ACTR6: variants seen among roughly 807,000 people sequenced by gnomAD.
The protein encoded by ACTR6 is actin-related protein 6.
Under a neutral mutation model 52.5 loss-of-function variants are expected in ACTR6, and 50 were observed. The observed-to-expected ratio is 0.95, with a 90% CI of 0.76 to 1.20. ACTR6 has a LOEUF of 1.20. ACTR6 is among the 50% of genes most tolerant of loss of function. The probability of loss-of-function intolerance (pLI) is 0.00; values close to 1 mark genes in which losing one functional copy is unlikely to be tolerated. For synonymous variants in ACTR6, 135 were observed against 147.2 expected, an observed-to-expected ratio of 0.92 and a Z score of 0.60; for missense variants, 344 against 472.4, an observed-to-expected ratio of 0.73 and a Z score of 2.52.
At chr12:100,202,395 C>T (rs1475627862) in intron 1 of ACTR6, among the ~76,000 whole-genome samples, 1 of 152,040 alleles carries the variant, frequency 6.6e-6, no homozygotes, top group Non-Finnish European at 1.5e-5. Context: ...ATAACAAATT[C>T]AAGCTTCTTA....
intron 4 of ACTR6, 74 bp downstream of exon 4, chr12:100,207,860 A>G (rs1047380957): frequency 6.6e-7 from 1 of 1,515,358 alleles, no homozygotes; most frequent in Non-Finnish European, 9.0e-7. Flanking sequence ...TAAAGTCCCA[A>G]AATATTAAGT....
chr12:100,218,476 C>T lies in ACTR6; in HGVS notation c.812C>T (p.Ala271Val), dbSNP rs1390662105. 3 of 1,608,596 alleles carry T rather than the reference C, an allele frequency of 1.9e-6. No individual in the cohort carries two copies. Among genetic ancestry groups the T allele is most frequent in the Non-Finnish European group, 2.5e-6 (3 of 1,177,576 alleles). The change falls in exon 9 of 11, where the codon GCC (alanine) becomes GTC (valine). Residue 271 changes from alanine to valine, a missense_variant. Transcript: ENST00000188312. This position sits in a 1 kb window ranked among gnomAD's most constrained non-coding sequence, Gnocchi z 4.2. Reference protein sequence around the residue: ...YKSGEQILRLANERFAVPEIL... With the variant: ...YKSGEQILRLVNERFAVPEIL... ...TCTGGGGAACAAATTCTTCGTTTGG[C>T]CAATGAGAGATTTGCTGTTCCGGAA...
Position 100,224,373 on chromosome 12 carries a change from G to A in ACTR6, c.*458G>A, listed in dbSNP as rs1462053525. 6.6e-6 allele frequency: 1 copy of A among 152,526 alleles called. No homozygotes were observed. Among genetic ancestry groups the A allele is most frequent in the African/African-American group, 2.4e-5 (1 of 41,428 alleles). 9.4% of individuals were successfully genotyped at this position (152,526 alleles called of 1,614,324 possible). ...GTGTATAATGTTTATTTTGTACCTA[G>A]AGTACATTTAAAAGGGTGGAGACTA... On this transcript the variant is annotated 3_prime_UTR_variant, in exon 11 of 11. Transcript: ENST00000188312.
At chr12:100,216,537 C>T (rs569148837) in intron 8 of ACTR6, among the ~76,000 whole-genome samples, 1 of 152,246 alleles carries the variant, frequency 6.6e-6, no homozygotes, top group East Asian at 1.9e-4. Flanking sequence ...GGCTCTCTCC[C>T]CTAGTTAGTC....
chr12:100,202,857 CA>C lies in ACTR6; in HGVS notation c.68+1955del, dbSNP rs541518616. Among the ~76,000 whole-genome samples, 890 of 110,254 alleles carry C rather than the reference CA, an allele frequency of 8.1e-3. 1 individual carries two copies. The highest frequency in any genetic ancestry group is 0.014 in the African/African-American group (454 of 31,840). The allele number at this position is 110,254 out of a possible 152,430, so 72.3% of individuals were successfully genotyped here. A position where few individuals can be genotyped will look rare whatever the true frequency, so the allele number is the denominator to read the frequency against. Reference sequence around the variant, plus strand: ...GGGGCGACAAAGCGAGACTCGGTCTCAAAAAAAAAAAAAAAAAGTTGCTACT... The same window carrying C: ...GGGGCGACAAAGCGAGACTCGGTCTCAAAAAAAAAAAAAAAAGTTGCTACT... On this transcript the variant is annotated intron_variant, in intron 1 of 10. Transcript: ENST00000188312.
chr12:100,221,533 A>G (rs552468851), intron 10 of ACTR6: 2 of 152,252 alleles, frequency 1.3e-5, no homozygotes, highest in East Asian at 1.9e-4. Context: ...TTATTAAATA[A>G]ATTTTTATTG....
At chr12:100,207,411 G>A (rs2096115770) in intron 3 of ACTR6, among the ~76,000 whole-genome samples, 1 of 152,090 alleles carries the variant, frequency 6.6e-6, no homozygotes, top group Non-Finnish European at 1.5e-5. Flanking sequence ...AAGTAAAATT[G>A]CATAATAGTT....
chr12:100,209,152 A>C (rs987144312), intron 4 of ACTR6, among the ~76,000 whole-genome samples: 1 of 152,250 alleles, frequency 6.6e-6, no homozygotes, highest in African/African-American at 2.4e-5. Flanking sequence ...CTTAGATTAC[A>C]TGACATGGTT....
chr12:100,219,936 A>G lies in ACTR6; in HGVS notation c.923-72A>G, dbSNP rs952298267. On this transcript the variant is annotated intron_variant, in intron 9 of 10. Coordinates refer to ENST00000188312, the MANE Select transcript of ACTR6 (RefSeq NM_022496.5). The stretch of plus-strand genomic sequence containing the variant: ...TTGCTTCTTATCTGATCCCTCATCC[A>G]CATCTTTCCAGAAAAGTAAACAGAT... 3.5e-5 allele frequency: 54 copies of G among 1,521,570 alleles called. No homozygotes were observed. The African/African-American group carries it at 6.2e-4, about 17-fold the overall frequency. 94.3% of individuals were successfully genotyped at this position (1,521,570 alleles called of 1,614,324 possible). A position where few individuals can be genotyped will look rare whatever the true frequency, so the allele number is the denominator to read the frequency against.
chr12:100,212,131 A>C (rs1156797008), intron 6 of ACTR6, 125 bp from the exon 7 acceptor site: 4 of 637,116 alleles, frequency 6.3e-6, no homozygotes, highest in South Asian at 2.2e-5. Context: ...TATTTTACAC[A>C]TTCAAGAATT....
chr12:100,204,536 T>G (rs78100712), intron 1 of ACTR6, among the ~76,000 whole-genome samples: 34 of 151,322 alleles, frequency 2.2e-4, no homozygotes, highest in Middle Eastern at 3.4e-3. Context: ...AATTTTTGTG[T>G]TTTTTTTTAG....
intron 10 of ACTR6, among the ~76,000 whole-genome samples, chr12:100,222,954 A>G (rs2096129489): frequency 2.0e-5 from 3 of 152,222 alleles, no homozygotes; most frequent in Admixed American, 2.0e-4. Context: ...AAAAGCACAG[A>G]CTGTGAAAAC....
rs750177291 is a variant in ACTR6, at chr12:100,220,012, G to A, written c.927G>A (p.Met309Ile). The A allele has an allele frequency of 6.2e-7, 1 of 1,611,244 alleles. No homozygotes were observed. Among genetic ancestry groups the A allele is most frequent in the Admixed American group, 1.7e-5 (1 of 59,496 alleles). Reference protein sequence around the residue: ...VYSIQNLPEEMQPHFFKNIVL... With the variant: ...VYSIQNLPEEIQPHFFKNIVL... ...TCTCCTTTTCTTCTTTTAAAGAAAT[G>A]CAGCCGCATTTTTTTAAGAACATTG... Residue 309 changes from methionine (M) to isoleucine (I), a missense_variant, in exon 10 of 11, where the codon ATG (methionine) becomes ATA (isoleucine). Coordinates refer to ENST00000188312, the MANE Select transcript of ACTR6 (RefSeq NM_022496.5).
At position 100,203,207 on chromosome 12, in the gene ACTR6, C is replaced by T. The variant is rs553654583; in HGVS notation, c.69-1733C>T. Among the ~76,000 whole-genome samples the T allele has an allele frequency of 1.9e-4, 29 of 152,326 alleles. 1 individual carries two copies. The Middle Eastern group carries it at 0.01, about 54-fold the overall frequency. On this transcript the variant is annotated intron_variant, in intron 1 of 10. Transcript: ENST00000188312. ...CTTGCTATGAAGGCTTGGTTCCCAA[C>T]AGACCACAGACAGGTACCGGACCAC... is the stretch of plus-strand genomic sequence containing the variant.
At chr12:100,204,557 G>T (rs1388638478) in intron 1 of ACTR6, among the ~76,000 whole-genome samples, 3 of 152,112 alleles carry the variant, frequency 2.0e-5, no homozygotes, top group African/African-American at 7.2e-5. Flanking sequence ...TAGAGGTAGG[G>T]TTTCACCCTG....
intron 2 of ACTR6, chr12:100,205,441 A>G (rs904598929): frequency 3.1e-6 from 1 of 319,822 alleles, no homozygotes; most frequent in East Asian, 5.8e-5. Context: ...CAGTATACCT[A>G]TGTAGTAAAC....
chr12:100,204,242 C>T (rs1329496612), intron 1 of ACTR6: 2 of 152,276 alleles, frequency 1.3e-5, no homozygotes, highest in African/African-American at 2.4e-5. Flanking sequence ...GATCACAGTT[C>T]ATTGCAGCTG....
intron 10 of ACTR6, among the ~76,000 whole-genome samples, chr12:100,222,833 T>C (rs1484692364): frequency 6.6e-6 from 1 of 152,206 alleles, no homozygotes; most frequent in Non-Finnish European, 1.5e-5. Flanking sequence ...AAAACCAAAC[T>C]AGATGTTTTA....
Position 100,205,681 on chromosome 12 carries a change from C to G in ACTR6, c.192C>G (p.Tyr64Ter). ...LFYILPFQKG[Y>*]LVNWDVQRQV... ...TTTATAAAAACATTTTTTAGGGCTA[C>G]TTGGTGAATTGGGATGTTCAGAGAC... Residue 64 changes from tyrosine to a stop codon, truncating the protein, a stop_gained, in exon 3 of 11, where the codon TAC becomes TAG. Transcript: ENST00000188312. LOFTEE classifies it high-confidence loss of function. The G allele has an allele frequency of 4.0e-6, 6 of 1,510,870 alleles. No homozygotes were observed. The highest frequency in any genetic ancestry group is 5.3e-6 in the Non-Finnish European group (6 of 1,132,796). 93.6% of individuals were successfully genotyped at this position (1,510,870 alleles called of 1,614,324 possible).
Sources: allele counts gnomAD v4.1 joint callset (sites outside exome capture counted in the v4.1 genomes callset), GRCh38; gene constraint gnomAD v4.1.1; non-coding constraint Gnocchi (gnomAD v3.1); transcripts MANE v1.5; gene names NCBI Gene and HGNC (gene_info 2026-07-23, HGNC 2026-07-21).